The following GPATCH2 variants were observed in gnomAD, a reference collection of about 807,000 sequenced individuals.
GPATCH2 encodes G-patch domain containing 2.
GPATCH2 carries 51 observed loss-of-function variants against 58.0 expected under a neutral mutation model. The ratio of observed to expected loss-of-function variants is 0.88; its 90% CI spans 0.70 to 1.11. The LOEUF (loss-of-function observed/expected upper bound fraction) is 1.11, where lower values mean the gene tolerates loss of function less well. Ranked by LOEUF, GPATCH2 falls within the 50% of genes most tolerant of loss-of-function variation. GPATCH2 has a pLI of 0.00. For missense variants in GPATCH2, 625 were observed against 652.2 expected (o/e 0.96, Z 0.45); for synonymous variants, 222 against 218.5 (o/e 1.02, Z -0.14).
intron 5 of GPATCH2, among the ~76,000 whole-genome samples, chr1:217,597,827 C>A (rs1480753278): frequency 1.3e-5 from 2 of 152,150 alleles, no homozygotes; most frequent in African/African-American, 4.8e-5. Flanking sequence ...GTTCTCTCTG[C>A]AACTTGTCAC....
At chr1:217,562,453 G>C (rs983346193) in intron 5 of GPATCH2, among the ~76,000 whole-genome samples, 1 of 152,130 alleles carries the variant, frequency 6.6e-6, no homozygotes, top group Non-Finnish European at 1.5e-5. Context: ...AGGGCTTCAT[G>C]GAACACAGTT....
chr1:217,568,557 C>G (rs1294238119), intron 5 of GPATCH2, among the ~76,000 whole-genome samples: 1 of 152,094 alleles, frequency 6.6e-6, no homozygotes, highest in African/African-American at 2.4e-5. Flanking sequence ...ATGCCTCAAA[C>G]AGGTGAGGAA....
chr1:217,600,736 G>T (rs1054671912), intron 5 of GPATCH2, among the ~76,000 whole-genome samples: 1 of 152,052 alleles, frequency 6.6e-6, no homozygotes, highest in Non-Finnish European at 1.5e-5. Flanking sequence ...ACTAAAAAAA[G>T]GTGTTGCATC....
intron 8 of GPATCH2, among the ~76,000 whole-genome samples, chr1:217,452,151 C>T (rs766466538): frequency 7.2e-5 from 11 of 152,084 alleles, no homozygotes; most frequent in South Asian, 6.2e-4. Context: ...GTAGAGAGCT[C>T]GAGTTGGACA....
chr1:217,472,101 G>C (rs1181237793), intron 8 of GPATCH2, among the ~76,000 whole-genome samples: 1 of 151,906 alleles, frequency 6.6e-6, no homozygotes, highest in African/African-American at 2.4e-5. Context: ...CAAAAAAACG[G>C]TGCCATATCC....
At chr1:217,495,088 A>G in intron 7 of GPATCH2, 1 of 663,606 alleles carries the variant, frequency 1.5e-6, no homozygotes, top group Non-Finnish European at 1.9e-6. Flanking sequence ...GCAGATGTAT[A>G]TTAAAAAATA....
At chr1:217,599,061 T>A (rs1019270680) in intron 5 of GPATCH2, among the ~76,000 whole-genome samples, 12 of 152,122 alleles carry the variant, frequency 7.9e-5, no homozygotes, top group African/African-American at 2.7e-4. Context: ...AAGTGAGGGA[T>A]ACACTGTTGT....
intron 5 of GPATCH2, among the ~76,000 whole-genome samples, chr1:217,545,254 C>T (rs1044547619): frequency 1.9e-4 from 29 of 152,284 alleles, no homozygotes; most frequent in East Asian, 1.9e-4. Context: ...CCCTTCAATT[C>T]GGAAATGTGA....
At chr1:217,528,478 C>T (rs1321722621) in intron 5 of GPATCH2, among the ~76,000 whole-genome samples, 2 of 152,156 alleles carry the variant, frequency 1.3e-5, no homozygotes, top group Non-Finnish European at 2.9e-5. Flanking sequence ...CCTGAGGCAT[C>T]CTGCCCTTTC....
intron 5 of GPATCH2, among the ~76,000 whole-genome samples, chr1:217,554,035 G>T (rs952561198): frequency 6.6e-6 from 1 of 152,148 alleles, no homozygotes; most frequent in African/African-American, 2.4e-5. Flanking sequence ...ACGCTTCAGC[G>T]CAAACAACTC....
chr1:217,481,022 G>A (rs1344262197), intron 8 of GPATCH2, among the ~76,000 whole-genome samples: 1 of 152,084 alleles, frequency 6.6e-6, no homozygotes, highest in Non-Finnish European at 1.5e-5. Context: ...GGGAGTGGGA[G>A]GGTAGCAGGG....
intron 5 of GPATCH2, among the ~76,000 whole-genome samples, chr1:217,531,024 C>T (rs1269735639): frequency 6.6e-6 from 1 of 151,582 alleles, no homozygotes; most frequent in Non-Finnish European, 1.5e-5. Flanking sequence ...AACGCACCTC[C>T]TCCCAAGCCC....
At chr1:217,573,943 T>G (rs543877178) in intron 5 of GPATCH2, among the ~76,000 whole-genome samples, 2 of 152,352 alleles carry the variant, frequency 1.3e-5, no homozygotes, top group South Asian at 4.1e-4. Context: ...ATTAAGACTT[T>G]GCTAAATATG....
At chr1:217,448,701 G>A (rs1432892458) in intron 9 of GPATCH2, among the ~76,000 whole-genome samples, 2 of 152,124 alleles carry the variant, frequency 1.3e-5, no homozygotes, top group Admixed American at 6.6e-5. Flanking sequence ...TTATTAGAAC[G>A]ACATGATTTT....
rs1491126863 is a variant in GPATCH2 at position 217,543,268 on chromosome 1, CGT to C, written c.1099-28381_1099-28380del. On this transcript the variant is annotated intron_variant, in intron 5 of 9. Transcript: ENST00000366935. ...TCATTGAAAAGCATGATGATGCGAACGTTTTTTTTTTTTTTTTTTGAGACAGA... is the reference window on the plus strand; with the variant it reads ...TCATTGAAAAGCATGATGATGCGAACTTTTTTTTTTTTTTTTTGAGACAGA... Among the ~76,000 whole-genome samples, 27 of 132,020 alleles carry C rather than the reference CGT, an allele frequency of 2.0e-4. 2 individuals carry two copies. The highest frequency in any genetic ancestry group is 2.5e-4 in the South Asian group (1 of 4,038). 86.6% of individuals were successfully genotyped at this position (132,020 alleles called of 152,430 possible).
chr1:217,448,282 T>C (rs1406853373), intron 9 of GPATCH2, among the ~76,000 whole-genome samples: 1 of 152,154 alleles, frequency 6.6e-6, no homozygotes, highest in African/African-American at 2.4e-5. Context: ...ACTTTTCCTA[T>C]AAAGGCTGCC....
intron 8 of GPATCH2, among the ~76,000 whole-genome samples, chr1:217,467,198 T>C (rs1660499532): frequency 6.6e-6 from 1 of 152,146 alleles, no homozygotes; most frequent in South Asian, 2.1e-4. Flanking sequence ...AAAACCCATT[T>C]TGGGGAAGAA....
chr1:217,514,765 C>G, intron 6 of GPATCH2, 57 bp downstream of exon 6: 1 of 765,628 alleles, frequency 1.3e-6, no homozygotes, highest in Non-Finnish European at 2.3e-6. Flanking sequence ...TAATAATTTC[C>G]CAAAAGAGCT....
At chr1:217,629,842 C>T (rs1056929415) in intron 1 of GPATCH2, among the ~76,000 whole-genome samples, 3 of 152,126 alleles carry the variant, frequency 2.0e-5, no homozygotes, top group Admixed American at 6.5e-5. Context: ...ATAAAATTAA[C>T]TACAGGATGA....
Sources: allele counts gnomAD v4.1 joint callset (sites outside exome capture counted in the v4.1 genomes callset), GRCh38; gene constraint gnomAD v4.1.1; transcripts MANE v1.5; gene names NCBI Gene and HGNC (gene_info 2026-07-23, HGNC 2026-07-21).